The following DOCK9 variants were observed in gnomAD, a reference collection of about 807,000 sequenced individuals.
DOCK9 encodes the protein dedicator of cytokinesis protein 9.
Under a neutral mutation model 263.3 loss-of-function variants are expected in DOCK9, and 89 were observed. The observed-to-expected ratio is 0.34, with a 90% CI of 0.28 to 0.40. The LOEUF (loss-of-function observed/expected upper bound fraction) is 0.40, where lower values mean the gene tolerates loss of function less well. Among genes scored for constraint, DOCK9 ranks in the 10% least tolerant of loss-of-function variants. The probability of loss-of-function intolerance (pLI) is 1.00; values close to 1 mark genes in which losing one functional copy is unlikely to be tolerated. For synonymous variants in DOCK9, 976 were observed against 973.1 expected, an observed-to-expected ratio of 1.00 and a Z score of -0.06; for missense variants, 2,140 against 2,603.4, an observed-to-expected ratio of 0.82 and a Z score of 3.87.
intron 43 of DOCK9, among the ~76,000 whole-genome samples, chr13:98,827,420 A>G (rs2092585563): frequency 6.6e-6 from 1 of 152,398 alleles, no homozygotes; most frequent in Non-Finnish European, 1.5e-5. Context: ...GAAAGAAAAA[A>G]GAAATTTTTT....
intron 45 of DOCK9, among the ~76,000 whole-genome samples, chr13:98,811,991 A>G (rs1176212402): frequency 6.6e-6 from 1 of 152,182 alleles, no homozygotes; most frequent in African/African-American, 2.4e-5. Flanking sequence ...CCATTCGATG[A>G]GAGACTATGC....
chr13:98,794,645 C>G lies in DOCK9; in HGVS notation c.6260G>C (p.Ser2087Thr). The change falls in exon 53 of 53, where the codon AGC becomes ACC. Residue 2087 changes from serine (S) to threonine (T), a missense_variant. Around this residue, in one of 2 missense-constraint regions of DOCK9, gnomAD observed 619 missense variants for 861.8 expected, o/e 0.72. Coordinates refer to ENST00000682017, the MANE Select transcript of DOCK9 (RefSeq NM_001366683.2). ...ATGTAATCACACGACCGAAGACGAGCTGGTCATCCCGTGAACCATTGTGCT... is the reference window on the plus strand; with the variant it reads ...ATGTAATCACACGACCGAAGACGAGGTGGTCATCCCGTGAACCATTGTGCT... Reference protein sequence around the residue: ...PTSTMVHGMTSSSSVV With the variant: ...PTSTMVHGMTTSSSVV 2.5e-6 allele frequency: 4 copies of G among 1,609,038 alleles called. No individual in the cohort carries two copies. Among genetic ancestry groups the G allele is most frequent in the Non-Finnish European group, 1.7e-6 (2 of 1,177,632 alleles).
At chr13:98,902,238 G>A (rs751584378) in intron 12 of DOCK9, 50 bp downstream of exon 12, 175 of 1,587,062 alleles carry the variant, frequency 1.1e-4, no homozygotes, top group Non-Finnish European at 1.4e-4. Context: ...CATTTAGGTA[G>A]CATGCAAAGT....
chr13:98,809,909 C>T (rs1032274666), intron 46 of DOCK9, among the ~76,000 whole-genome samples: 1 of 152,130 alleles, frequency 6.6e-6, no homozygotes, highest in Non-Finnish European at 1.5e-5. Flanking sequence ...TTCATGGCAG[C>T]CTTTCGAAAG....
intron 1 of DOCK9, among the ~76,000 whole-genome samples, chr13:99,010,201 C>A (rs965666916): frequency 6.6e-6 from 1 of 152,202 alleles, no homozygotes; most frequent in African/African-American, 2.4e-5. Flanking sequence ...AGTTCTTCCA[C>A]TTCAGTTATA....
chr13:98,891,375 G>C (rs1419144715), intron 15 of DOCK9, among the ~76,000 whole-genome samples: 1 of 152,174 alleles, frequency 6.6e-6, no homozygotes, highest in Non-Finnish European at 1.5e-5. Flanking sequence ...AAATTGTAGA[G>C]ACACCTATGA....
chr13:98,977,329 T>G (rs1366541956), intron 1 of DOCK9, among the ~76,000 whole-genome samples: 1 of 152,258 alleles, frequency 6.6e-6, no homozygotes, highest in Non-Finnish European at 1.5e-5. Flanking sequence ...TTATCCTTTC[T>G]AAACTATGTA....
intron 35 of DOCK9, among the ~76,000 whole-genome samples, chr13:98,850,716 A>G (rs530397578): frequency 6.6e-6 from 1 of 152,296 alleles, no homozygotes; most frequent in East Asian, 1.9e-4. Flanking sequence ...ACATCCTTTT[A>G]TGTGGGTCTT....
At chr13:99,057,729 G>A (rs551712332) in intron 1 of DOCK9, among the ~76,000 whole-genome samples, 1 of 152,126 alleles carries the variant, frequency 6.6e-6, no homozygotes, top group African/African-American at 2.4e-5. Context: ...TTAAAGAAAA[G>A]CAATTTCAAA....
chr13:98,809,045 G>A (rs2091022817), intron 47 of DOCK9: 1 of 1,500,828 alleles, frequency 6.7e-7, no homozygotes, highest in Admixed American at 2.6e-5. Flanking sequence ...TAAACATACA[G>A]ACTTGAAAAG....
At chr13:99,056,076 T>C (rs957154594) in intron 1 of DOCK9, among the ~76,000 whole-genome samples, 2 of 152,232 alleles carry the variant, frequency 1.3e-5, no homozygotes, top group Non-Finnish European at 2.9e-5. Flanking sequence ...CCTTTGAAGA[T>C]GACAAATTTA....
intron 38 of DOCK9, among the ~76,000 whole-genome samples, chr13:98,838,510 A>G (rs1438182564): frequency 3.3e-5 from 5 of 152,248 alleles, no homozygotes; most frequent in African/African-American, 9.6e-5. Context: ...AGAAATGTTT[A>G]GAAAAAGAAA....
At chr13:98,917,912 G>C (rs1172997495) in intron 7 of DOCK9, among the ~76,000 whole-genome samples, 1 of 152,062 alleles carries the variant, frequency 6.6e-6, no homozygotes, top group African/African-American at 2.4e-5. Context: ...CCCTTTAAAT[G>C]GGGCACTGGG....
intron 15 of DOCK9, among the ~76,000 whole-genome samples, chr13:98,895,950 G>A (rs2047361996): frequency 6.6e-6 from 1 of 152,082 alleles, no homozygotes; most frequent in South Asian, 2.1e-4. Flanking sequence ...GGAATTTGGG[G>A]CACCTATATG....
intron 1 of DOCK9, among the ~76,000 whole-genome samples, chr13:98,993,666 G>A (rs540753910): frequency 3.3e-5 from 5 of 152,324 alleles, no homozygotes; most frequent in African/African-American, 7.2e-5. Context: ...GCGTGAACCC[G>A]GGAGGCGGAG....
At chr13:98,820,984 AT>A (rs1487554260) in intron 45 of DOCK9, among the ~76,000 whole-genome samples, 2 of 152,208 alleles carry the variant, frequency 1.3e-5, no homozygotes, top group African/African-American at 2.4e-5. Flanking sequence ...AGCTGGAAAC[AT>A]AGTTGAGTGG....
intron 27 of DOCK9, 22 bp downstream of exon 27, chr13:98,879,876 G>T (rs369486871): frequency 3.8e-6 from 6 of 1,583,788 alleles, no homozygotes; most frequent in Non-Finnish European, 5.1e-6. Flanking sequence ...AAGAACACAA[G>T]CTTCCACTTG....
chr13:99,003,859 G>A (rs571350478), intron 1 of DOCK9, among the ~76,000 whole-genome samples: 1 of 152,236 alleles, frequency 6.6e-6, no homozygotes, highest in Admixed American at 6.5e-5. Flanking sequence ...TTAAAAACAT[G>A]AACATGTTTC....
chr13:98,888,066 A>G (rs2046061239), intron 18 of DOCK9, 92 bp downstream of exon 18: 2 of 810,436 alleles, frequency 2.5e-6, no homozygotes, highest in African/African-American at 3.5e-5. Context: ...AAAATGTGCT[A>G]AACTGTTGTA....
Sources: allele counts gnomAD v4.1 joint callset (sites outside exome capture counted in the v4.1 genomes callset), GRCh38; gene constraint gnomAD v4.1.1; regional missense constraint gnomAD v4.1.1; transcripts MANE v1.5; gene names NCBI Gene and HGNC (gene_info 2026-07-23, HGNC 2026-07-21).